Variants in TGM2 observed in about 807,000 individuals in gnomAD.
TGM2 encodes the protein protein-glutamine gamma-glutamyltransferase 2.
In TGM2, 53 loss-of-function variants were observed where a neutral mutation model predicts 75.6. The observed-to-expected ratio is 0.70, with a 90% confidence interval of 0.56 to 0.88. The LOEUF (loss-of-function observed/expected upper bound fraction) is 0.88. TGM2 is among the 40% of genes least tolerant of loss of function. TGM2 has a pLI of 0.00. For missense variants in TGM2, 842 were observed against 928.5 expected, an observed-to-expected ratio of 0.91 and a Z score of 1.21; for synonymous variants, 374 against 381.1, an observed-to-expected ratio of 0.98 and a Z score of 0.22.
In TGM2 at chr20:38,156,007, G is replaced by A. The variant is rs368518864; in HGVS notation, c.273C>T (p.Thr91=). 10 of 1,613,666 alleles carry A rather than the reference G, an allele frequency of 6.2e-6. No homozygotes were observed. Among genetic ancestry groups the A allele is most frequent in the East Asian group, 4.5e-5 (2 of 44,896 alleles). Residue 91 remains threonine (T), a synonymous_variant, in exon 3 of 13, where the codon ACC becomes ACT. Transcript: ENST00000361475. ...GGGTGCAGTCTTGCTGGTCCACCACGGTGGCTGTCCAGTCACCCTCCTCCA... is the reference window on the plus strand; with the variant it reads ...GGGTGCAGTCTTGCTGGTCCACCACAGTGGCTGTCCAGTCACCCTCCTCCA... ...DAVEEGDWTA[T]VVDQQDCTLS...
upstream of TGM2, chr20:38,165,294 C>T (rs1484330292): frequency 5.0e-6 from 8 of 1,585,126 alleles, no homozygotes; most frequent in Admixed American, 1.2e-4. Flanking sequence ...GCGGCGCTAA[C>T]TTATAGCCCG....
chr20:38,142,159 G>A lies in TGM2; in HGVS notation c.900C>T (p.Asn300=). 6.2e-7 allele frequency: 1 copy of A among 1,614,212 alleles called. No individual in the cohort carries two copies. The highest frequency in any genetic ancestry group is 8.5e-7 in the Non-Finnish European group (1 of 1,180,046). Residue 300 remains asparagine, a synonymous_variant, in exon 7 of 13, where the codon AAC becomes AAT. Coordinates refer to ENST00000361475, the MANE Select transcript of TGM2 (RefSeq NM_004613.4). ...CLGIPTRVVT[N]YNSAHDQNSN... is the part of the protein sequence containing the mutation. ...TGTTCTGGTCATGGGCCGAGTTGTAGTTGGTCACGACGCGGGTAGGGATGC... is the reference window on the plus strand; with the variant it reads ...TGTTCTGGTCATGGGCCGAGTTGTAATTGGTCACGACGCGGGTAGGGATGC...
chr20:38,141,835 C>G (rs2074979033), intron 7 of TGM2, among the ~76,000 whole-genome samples: 1 of 151,938 alleles, frequency 6.6e-6, no homozygotes, highest in East Asian at 1.9e-4. Context: ...AGCCTGGGCC[C>G]CCTAATGTGG....
intron 2 of TGM2, among the ~76,000 whole-genome samples, chr20:38,157,231 C>T (rs2075199248): frequency 6.6e-6 from 1 of 152,194 alleles, no homozygotes; most frequent in African/African-American, 2.4e-5. Flanking sequence ...CAGCCCCCTC[C>T]TCCCTGCCAG....
At chr20:38,153,718 C>G (rs965385501) in intron 3 of TGM2, among the ~76,000 whole-genome samples, 2 of 151,992 alleles carry the variant, frequency 1.3e-5, no homozygotes, top group African/African-American at 2.4e-5. Context: ...ACAGACTGAC[C>G]TAAGGAGGTG....
At chr20:38,150,892 C>G in intron 4 of TGM2, 47 bp downstream of exon 4, 1 of 1,456,206 alleles carries the variant, frequency 6.9e-7, no homozygotes, top group Non-Finnish European at 9.6e-7. Context: ...GGGCCGGGCA[C>G]ACAGAAGGGC....
chr20:38,128,830 G>A lies in TGM2; in HGVS notation c.*1389C>T, dbSNP rs533919499. 6.6e-6 allele frequency: 1 copy of A among 152,446 alleles called. No homozygotes were observed. Among genetic ancestry groups the A allele is most frequent in the Admixed American group, 6.5e-5 (1 of 15,312 alleles). 9.4% of individuals were successfully genotyped at this position (152,446 alleles called of 1,614,324 possible). A position where few individuals can be genotyped will look rare whatever the true frequency, so the allele number is the denominator to read the frequency against. On this transcript the variant is annotated 3_prime_UTR_variant, in exon 13 of 13. Coordinates refer to ENST00000361475, the MANE Select transcript of TGM2 (RefSeq NM_004613.4). ...GTTCCCCAAGCTTCCTCCGGGGCAG[G>A]GGCTATGTTTGGGGGCCTTAGCCCT...
intron 2 of TGM2, among the ~76,000 whole-genome samples, chr20:38,159,417 A>T (rs1600519262): frequency 1.3e-5 from 2 of 152,162 alleles, no homozygotes; most frequent in East Asian, 3.8e-4. Flanking sequence ...TACTAGACTT[A>T]GCACCTGGGT....
rs1231793414 is a variant in TGM2, at chr20:38,153,524, C to CAAAAAAAAAAAAAAAAA, written c.433+2322_433+2323insTTTTTTTTTTTTTTTTT. On this transcript the variant is annotated intron_variant, in intron 3 of 12. Coordinates refer to ENST00000361475, the MANE Select transcript of TGM2 (RefSeq NM_004613.4). ...TGGGTGACAGAGAGAGCCTTGGTCT[C>CAAAAAAAAAAAAAAAAA]AAAAAAAAGAAAAAAAAAAAAAGAA... 6.3e-5 allele frequency among the ~76,000 whole-genome samples: 4 copies of CAAAAAAAAAAAAAAAAA among 63,890 alleles called. 1 individual carries two copies. The highest frequency in any genetic ancestry group is 5.5e-4 in the South Asian group (1 of 1,826). 41.9% of individuals were successfully genotyped at this position (63,890 alleles called of 152,430 possible).
At chr20:38,131,269 A>T (rs188871265) in intron 11 of TGM2, 40 bp from the exon 12 acceptor site, 64 of 1,612,116 alleles carry the variant, frequency 4.0e-5, no homozygotes, top group Non-Finnish European at 5.2e-5. Context: ...GGCAGGTGGG[A>T]TCCAGGCTGG....
intron 8 of TGM2, 116 bp downstream of exon 8, chr20:38,141,166 A>C (rs1379141833): frequency 1.3e-6 from 1 of 752,128 alleles, no homozygotes; most frequent in Non-Finnish European, 2.3e-6. Context: ...CCTTCTGTGG[A>C]CCCATCAGTG....
chr20:38,156,067 G>A lies in TGM2; in HGVS notation c.213C>T (p.Ala71=), dbSNP rs144476788. 4.8e-4 allele frequency: 780 copies of A among 1,613,414 alleles called. 3 individuals carry two copies. In the East Asian group the frequency reaches 0.014, roughly 29 times the overall value. Residue 71 remains alanine (A), a synonymous_variant, in exon 3 of 13, where the codon GCC becomes GCT. Coordinates refer to ENST00000361475, the MANE Select transcript of TGM2 (RefSeq NM_004613.4). The stretch of plus-strand genomic sequence containing the variant: ...TTAGTGGAAAACGGGCCTTGGTCCC[G>A]GCCTCCTGGCTAGGGGCTGGGCCTG... The part of the protein sequence containing the change: ...VVTGPAPSQE[A]GTKARFPLRD...
At chr20:38,139,343 G>C in intron 9 of TGM2, 69 bp downstream of exon 9, 2 of 1,611,176 alleles carry the variant, frequency 1.2e-6, no homozygotes, top group Admixed American at 1.7e-5. Flanking sequence ...ACACATACAC[G>C]AGCCTGCCGG....
At chr20:38,165,345 C>A, upstream of TGM2, 1 of 1,226,324 alleles carries the variant, frequency 8.2e-7, no homozygotes, top group Non-Finnish European at 1.2e-6. Context: ...GGGAAGGCGG[C>A]GACCTGGGAG....
At chr20:38,148,915 C>T (rs752476473) in intron 4 of TGM2, among the ~76,000 whole-genome samples, 1 of 152,186 alleles carries the variant, frequency 6.6e-6, no homozygotes, top group Non-Finnish European at 1.5e-5. Context: ...CTTTTCCCCC[C>T]ACTTCTGTGG....
intron 3 of TGM2, among the ~76,000 whole-genome samples, chr20:38,153,075 G>A (rs181999224): frequency 6.6e-6 from 1 of 152,058 alleles, no homozygotes; most frequent in Non-Finnish European, 1.5e-5. Flanking sequence ...TCTGTCCCGA[G>A]AAATCATTCC....
upstream of TGM2, among the ~76,000 whole-genome samples, chr20:38,165,550 C>T (rs924000464): frequency 1.3e-5 from 2 of 152,074 alleles, no homozygotes; most frequent in Admixed American, 6.5e-5. Flanking sequence ...TGGACACACA[C>T]ACTCAGATAC....
chr20:38,158,723 G>T (rs1447168652), intron 2 of TGM2, among the ~76,000 whole-genome samples: 3 of 152,200 alleles, frequency 2.0e-5, no homozygotes, highest in African/African-American at 7.2e-5. Flanking sequence ...AATGTGTGGG[G>T]TCAGGCCACA....
At chr20:38,150,880 C>A in intron 4 of TGM2, 59 bp downstream of exon 4, 1 of 1,337,686 alleles carries the variant, frequency 7.5e-7, no homozygotes, top group Non-Finnish European at 1.1e-6. Flanking sequence ...CCCCCAGACA[C>A]AGGGCCGGGC....
Sources: allele counts gnomAD v4.1 joint callset (sites outside exome capture counted in the v4.1 genomes callset), GRCh38; gene constraint gnomAD v4.1.1; transcripts MANE v1.5; gene names NCBI Gene and HGNC (gene_info 2026-07-23, HGNC 2026-07-21).